Variants in LRRC7 observed in about 807,000 individuals in gnomAD.
LRRC7 encodes leucine rich repeat containing 7, also known as leucine-rich repeat-containing protein 7.
Under a neutral mutation model 175.7 loss-of-function variants are expected in LRRC7, and 23 were observed. The ratio of observed to expected loss-of-function variants is 0.13; its 90% CI spans 0.09 to 0.19. LRRC7 has a LOEUF of 0.19. Among genes scored for constraint, LRRC7 ranks in the 10% least tolerant of loss-of-function variants. The pLI is 1.00. For missense variants in LRRC7, 1,354 were observed against 1,904.7 expected (o/e 0.71, Z 5.38); for synonymous variants, 685 against 680.9 (o/e 1.01, Z -0.09).
intron 23 of LRRC7, among the ~76,000 whole-genome samples, chr1:70,074,496 T>C (rs149200327): frequency 6.6e-6 from 1 of 152,308 alleles, no homozygotes; most frequent in East Asian, 1.9e-4. Context: ...ATTATCTTAG[T>C]TGTATTTATG....
rs111594931 is a variant in LRRC7 at position 69,702,569 on chromosome 1, T to C, written c.100+24091T>C. 1.3e-5 allele frequency among the ~76,000 whole-genome samples: 2 copies of C among 152,168 alleles called. 1 individual carries two copies. The highest frequency in any genetic ancestry group is 4.8e-5 in the African/African-American group (2 of 41,524). On this transcript the variant is annotated intron_variant, in intron 2 of 26. Coordinates refer to ENST00000651989, the MANE Select transcript of LRRC7 (RefSeq NM_001370785.2). ...TTAACTAACTTTGTTATAAAATTAA[T>C]TGGGAAGGGGAAAAAATGGGAAAGA...
At chr1:69,752,806 G>A (rs754149747) in intron 2 of LRRC7, among the ~76,000 whole-genome samples, 5 of 152,146 alleles carry the variant, frequency 3.3e-5, no homozygotes, top group Non-Finnish European at 7.4e-5. Context: ...CAGCATTGTG[G>A]AGAAACCAGA....
chr1:70,059,405 T>C (rs932119434), intron 23 of LRRC7, among the ~76,000 whole-genome samples: 4 of 151,998 alleles, frequency 2.6e-5, no homozygotes, highest in African/African-American at 9.7e-5. Flanking sequence ...TATTAAGCAC[T>C]TCAGGATTGC....
intron 7 of LRRC7, among the ~76,000 whole-genome samples, chr1:69,891,529 C>G (rs1645832670): frequency 6.6e-6 from 1 of 152,062 alleles, no homozygotes; most frequent in Non-Finnish European, 1.5e-5. Flanking sequence ...GCCTGGAGTT[C>G]AAGACCAGCC....
At chr1:69,984,341 T>C (rs12048343) in intron 9 of LRRC7, among the ~76,000 whole-genome samples, 25,711 of 152,108 alleles carry the variant, frequency 0.17, 3,602 homozygotes, top group African/African-American at 0.39. Flanking sequence ...AAGTACTTAG[T>C]ATAGTGCCAA....
At chr1:69,599,109 G>A (rs1373053013) in intron 1 of LRRC7, among the ~76,000 whole-genome samples, 1 of 151,594 alleles carries the variant, frequency 6.6e-6, no homozygotes, top group East Asian at 1.9e-4. Flanking sequence ...TGCCACACAG[G>A]AATGAGGTAG....
intron 7 of LRRC7, among the ~76,000 whole-genome samples, chr1:69,906,253 C>G (rs947848451): frequency 2.0e-5 from 3 of 152,142 alleles, no homozygotes; most frequent in African/African-American, 7.2e-5. Context: ...TGCAGAAGCT[C>G]TTTAGTTTAA....
chr1:69,871,288 T>C (rs977130253), intron 7 of LRRC7, among the ~76,000 whole-genome samples: 4 of 152,066 alleles, frequency 2.6e-5, no homozygotes, highest in African/African-American at 9.7e-5. Context: ...GCTGAGACTA[T>C]TGATTGCTAT....
At chr1:69,894,756 T>G (rs1645930232) in intron 7 of LRRC7, among the ~76,000 whole-genome samples, 1 of 152,218 alleles carries the variant, frequency 6.6e-6, no homozygotes, top group Non-Finnish European at 1.5e-5. Flanking sequence ...GGACAAATGC[T>G]GTGTAATATC....
chr1:69,972,936 TTATATA>T (rs930945130), intron 8 of LRRC7, among the ~76,000 whole-genome samples: 53 of 146,324 alleles, frequency 3.6e-4, no homozygotes, highest in African/African-American at 1.3e-3. Flanking sequence ...ATATATATAT[TTATATA>T]TATATAAATA....
rs1646577654 is a variant in LRRC7, at chr1:69,912,951, G to A, written c.648-18556G>A. On this transcript the variant is annotated intron_variant, in intron 7 of 26. Coordinates refer to ENST00000651989, the MANE Select transcript of LRRC7 (RefSeq NM_001370785.2). ...AGGTTACTAATGAAGTTACTTCTTT[G>A]TACAGAATCTTTTTTTCGTATTGTG... Among the ~76,000 whole-genome samples the A allele has an allele frequency of 2.0e-5, 3 of 151,864 alleles. No homozygotes were observed. In the South Asian group the frequency reaches 6.2e-4, roughly 32 times the overall value.
intron 6 of LRRC7, among the ~76,000 whole-genome samples, chr1:69,836,579 T>C (rs1201549285): frequency 2.0e-5 from 3 of 151,984 alleles, no homozygotes; most frequent in African/African-American, 7.2e-5. Context: ...ATAAATTGCC[T>C]ACAAAAAATA....
chr1:70,029,177 TGAGA>T (rs747212533), intron 18 of LRRC7, among the ~76,000 whole-genome samples: 42 of 152,014 alleles, frequency 2.8e-4, no homozygotes, highest in Non-Finnish European at 5.1e-4. Context: ...CCAAACACTG[TGAGA>T]GAGAGAAAAG....
intron 7 of LRRC7, among the ~76,000 whole-genome samples, chr1:69,910,213 G>C (rs765060044): frequency 6.6e-6 from 1 of 152,166 alleles, no homozygotes; most frequent in Non-Finnish European, 1.5e-5. Flanking sequence ...GTCCAGCTTT[G>C]TTCCGTTGCT....
At chr1:69,770,721 A>C (rs1672145389) in intron 3 of LRRC7, among the ~76,000 whole-genome samples, 1 of 152,222 alleles carries the variant, frequency 6.6e-6, no homozygotes, top group Non-Finnish European at 1.5e-5. Context: ...TCATGTTAAC[A>C]CTAATTCCCT....
At chr1:69,606,600 C>A (rs906930365) in intron 1 of LRRC7, among the ~76,000 whole-genome samples, 1 of 152,022 alleles carries the variant, frequency 6.6e-6, no homozygotes, top group African/African-American at 2.4e-5. Context: ...TTATAGTGCA[C>A]AAGTCCAGCT....
At chr1:69,961,138 A>G (rs890395800) in intron 8 of LRRC7, among the ~76,000 whole-genome samples, 1 of 152,230 alleles carries the variant, frequency 6.6e-6, no homozygotes, top group Non-Finnish European at 1.5e-5. Context: ...GCAAAGTCTC[A>G]GGATATAAAA....
intron 4 of LRRC7, among the ~76,000 whole-genome samples, chr1:69,797,908 GT>G (rs369511771): frequency 6.6e-6 from 1 of 151,500 alleles, no homozygotes; most frequent in African/African-American, 2.4e-5. Context: ...TTTGCACTTT[GT>G]TTTTTTTGTT....
chr1:70,043,322 A>C (rs920706810), intron 21 of LRRC7, among the ~76,000 whole-genome samples: 2 of 152,160 alleles, frequency 1.3e-5, no homozygotes, highest in Non-Finnish European at 2.9e-5. Context: ...AAAAAATAGA[A>C]TATTTGGATC....
Sources: gnomAD v4.1 joint callset for allele counts (sites outside exome capture counted in the v4.1 genomes callset) on GRCh38, gnomAD v4.1.1 for gene constraint, MANE v1.5 for transcripts, NCBI Gene and HGNC (gene_info 2026-07-23, HGNC 2026-07-21) for gene names.